HEATR5B: variants seen among roughly 807,000 people sequenced by gnomAD.
HEATR5B encodes the protein HEAT repeat containing 5B, also known as HEAT repeat-containing protein 5B.
HEATR5B carries 156 observed loss-of-function variants against 224.1 expected under a neutral mutation model. The ratio of observed to expected loss-of-function variants is 0.70; its 90% CI spans 0.61 to 0.80. HEATR5B has a LOEUF of 0.80. HEATR5B is among the 30% of genes least tolerant of loss of function. HEATR5B has a pLI of 0.00. For missense variants in HEATR5B, 2,323 were observed against 2,535.5 expected, an observed-to-expected ratio of 0.92 and a Z score of 1.80; for synonymous variants, 1,027 against 893.0, an observed-to-expected ratio of 1.15 and a Z score of -2.68.
intron 5 of HEATR5B, among the ~76,000 whole-genome samples, 166 bp from the exon 6 acceptor site, chr2:37,072,447 T>C (rs1244182988): frequency 6.6e-6 from 1 of 152,118 alleles, no homozygotes; most frequent in Non-Finnish European, 1.5e-5. Context: ...GAAGCATCTT[T>C]GAGGAAAAAA....
In HEATR5B at chr2:37,060,573, G is replaced by T. The variant is rs1195945482; in HGVS notation, c.1849+8C>A. ...AATATTGTGAAGCACAATCCTTTCAGTTCTTACCACATAGAGCTCCAGCAC... is the reference window on the plus strand; with the variant it reads ...AATATTGTGAAGCACAATCCTTTCATTTCTTACCACATAGAGCTCCAGCAC... On this transcript the variant is annotated splice_region_variant and intron_variant, in intron 12 of 35. Coordinates refer to ENST00000233099, the MANE Select transcript of HEATR5B (RefSeq NM_019024.3). The T allele has an allele frequency of 9.3e-6, 15 of 1,610,194 alleles. No homozygotes were observed. The highest frequency in any genetic ancestry group is 1.2e-5 in the Non-Finnish European group (14 of 1,177,814).
intron 29 of HEATR5B, among the ~76,000 whole-genome samples, chr2:37,006,081 T>C (rs1266692368): frequency 6.6e-6 from 1 of 152,224 alleles, no homozygotes; most frequent in East Asian, 1.9e-4. Context: ...ACAAACATTA[T>C]AAAATTGTTT....
In HEATR5B at chr2:37,068,640, T is replaced by G. The variant is rs376873196; in HGVS notation, c.1177+41A>C. 18 of 1,593,316 alleles carry G rather than the reference T, an allele frequency of 1.1e-5. 1 individual carries two copies. The highest frequency in any genetic ancestry group is 8.9e-5 in the East Asian group (4 of 44,738). On this transcript the variant is annotated intron_variant, in intron 8 of 35. Coordinates refer to ENST00000233099, the MANE Select transcript of HEATR5B (RefSeq NM_019024.3). The stretch of plus-strand genomic sequence containing the variant: ...TTAAGAATCATAATAAAGAACTAAA[T>G]GACTAAGGTAATCAACACACATAAT...
chr2:37,022,355 T>A (rs1472019035), intron 24 of HEATR5B, among the ~76,000 whole-genome samples: 2 of 152,120 alleles, frequency 1.3e-5, no homozygotes, highest in Non-Finnish European at 2.9e-5. Context: ...ATTGTTGTAT[T>A]TTTAATAGAG....
At chr2:37,039,768 G>A (rs1328755141) in intron 20 of HEATR5B, among the ~76,000 whole-genome samples, 7 of 152,190 alleles carry the variant, frequency 4.6e-5, no homozygotes, top group Admixed American at 3.9e-4. Context: ...AGTAGAATTA[G>A]CTCAGTGGAA....
At chr2:37,062,731 C>CCACTTCTCATTTTTCCTGTGTCT (rs1438509385) in intron 10 of HEATR5B, among the ~76,000 whole-genome samples, 3 of 152,168 alleles carry the variant, frequency 2.0e-5, no homozygotes, top group Non-Finnish European at 2.9e-5. Context: ...TGTGACAAAT[C>CCACTTCTCATTTTTCCTGTGTCT]CACTTCTCAT....
chr2:37,032,997 C>T (rs112640728), intron 21 of HEATR5B, among the ~76,000 whole-genome samples: 2 of 151,782 alleles, frequency 1.3e-5, no homozygotes, highest in African/African-American at 4.8e-5. Context: ...TCTCTGGCCT[C>T]GGCCTCCCAA....
At chr2:37,033,963 T>G (rs1659457757) in intron 21 of HEATR5B, among the ~76,000 whole-genome samples, 1 of 152,150 alleles carries the variant, frequency 6.6e-6, no homozygotes, top group Admixed American at 6.5e-5. Context: ...AGCAAGGAAG[T>G]AATCTTTTAG....
chr2:37,032,998 G>A (rs372885919), intron 21 of HEATR5B, among the ~76,000 whole-genome samples: 20 of 151,330 alleles, frequency 1.3e-4, no homozygotes, highest in South Asian at 1.3e-3. Context: ...CTCTGGCCTC[G>A]GCCTCCCAAG....
At position 37,032,726 on chromosome 2, in the gene HEATR5B, T is replaced by C; in HGVS notation, c.3264A>G (p.Ala1088=). The part of the protein sequence containing the change: ...SHLLLRRAAV[A]CLRQLAQREA... ...CTCTTTGTGCAAGTTGCCGAAGACA[T>C]GCCACAGCTGCTCGTCGAAGTAACA... Residue 1088 remains alanine, a synonymous_variant, in exon 22 of 36, where the codon GCA becomes GCG. Transcript: ENST00000233099. The C allele has an allele frequency of 6.2e-7, 1 of 1,614,064 alleles. No homozygotes were observed. The highest frequency in any genetic ancestry group is 8.5e-7 in the Non-Finnish European group (1 of 1,179,966).
intron 33 of HEATR5B, among the ~76,000 whole-genome samples, chr2:36,995,302 C>A (rs1004766319): frequency 6.6e-6 from 1 of 151,846 alleles, no homozygotes; most frequent in Non-Finnish European, 1.5e-5. Flanking sequence ...TATTGGCCAG[C>A]CTGGTCTCGA....
chr2:37,030,588 AATGTGC>A (rs1303161911), intron 22 of HEATR5B, among the ~76,000 whole-genome samples: 1 of 152,194 alleles, frequency 6.6e-6, no homozygotes, highest in African/African-American at 2.4e-5. Flanking sequence ...CCCTCCAGAA[AATGTGC>A]ATGACTCTAC....
rs1666817708 is a variant in HEATR5B, at chr2:36,997,678, T to C, written c.5545+2908A>G. ...GCCACCCAGGTTCATGCCGTTCTCCTGCCTCAGCCTCCCAAGCAGCTGGGA... is the reference window on the plus strand; with the variant it reads ...GCCACCCAGGTTCATGCCGTTCTCCCGCCTCAGCCTCCCAAGCAGCTGGGA... On this transcript the variant is annotated intron_variant, in intron 33 of 35. Coordinates refer to ENST00000233099, the MANE Select transcript of HEATR5B (RefSeq NM_019024.3). Among the ~76,000 whole-genome samples the C allele has an allele frequency of 4.0e-5, 6 of 150,820 alleles. No individual in the cohort carries two copies. In the South Asian group the frequency reaches 1.3e-3, roughly 32 times the overall value.
chr2:37,003,495 G>C (rs748027968), intron 31 of HEATR5B, 47 bp downstream of exon 31: 4 of 1,323,094 alleles, frequency 3.0e-6, no homozygotes, highest in Non-Finnish European at 2.1e-6. Flanking sequence ...AAAAATTAGA[G>C]TATAAAATAA....
At chr2:37,077,893 A>G (rs1390287154) in intron 3 of HEATR5B, among the ~76,000 whole-genome samples, 1 of 152,224 alleles carries the variant, frequency 6.6e-6, no homozygotes, top group African/African-American at 2.4e-5. Flanking sequence ...TTTAATCTAA[A>G]TTACATTAAC....
intron 26 of HEATR5B, among the ~76,000 whole-genome samples, chr2:37,018,029 C>T (rs1465559811): frequency 6.6e-6 from 1 of 151,962 alleles, no homozygotes; most frequent in Non-Finnish European, 1.5e-5. Flanking sequence ...GGCATTTGTT[C>T]TAACAAACAG....
chr2:37,048,996 A>T (rs1256428812), intron 18 of HEATR5B, among the ~76,000 whole-genome samples: 1 of 152,254 alleles, frequency 6.6e-6, no homozygotes, highest in South Asian at 2.1e-4. Context: ...TATAATTTAC[A>T]TAACACAAGT....
intron 33 of HEATR5B, among the ~76,000 whole-genome samples, chr2:36,991,659 A>G (rs1666340800): frequency 6.6e-6 from 1 of 152,192 alleles, no homozygotes; most frequent in South Asian, 2.1e-4. Context: ...TCTAAAGAAC[A>G]ATATTTCTGA....
At chr2:37,046,790 T>C (rs973545541) in intron 18 of HEATR5B, among the ~76,000 whole-genome samples, 2 of 151,058 alleles carry the variant, frequency 1.3e-5, no homozygotes, top group Admixed American at 6.6e-5. Flanking sequence ...TGGCTCACGG[T>C]TGTAATCCCA....
Sources: allele counts gnomAD v4.1 joint callset (sites outside exome capture counted in the v4.1 genomes callset), GRCh38; gene constraint gnomAD v4.1.1; transcripts MANE v1.5; gene names NCBI Gene and HGNC (gene_info 2026-07-23, HGNC 2026-07-21).